The following SHROOM3 variants were observed in gnomAD, a reference collection of about 807,000 sequenced individuals.
SHROOM3 encodes the protein protein Shroom3.
A neutral mutation model predicts 138.6 loss-of-function variants in SHROOM3; 47 were observed. That is an observed-to-expected ratio of 0.34 (90% CI 0.27 to 0.43). SHROOM3 has a LOEUF of 0.43. Ranked by LOEUF, SHROOM3 falls within the 20% of genes least tolerant of loss-of-function variation. The pLI is 1.00. For synonymous variants in SHROOM3, 1,062 were observed against 1,063.3 expected (o/e 1.00, Z 0.02); for missense variants, 2,491 against 2,596.5 (o/e 0.96, Z 0.88).
chr4:76,496,373 G>A (rs988494143), intron 1 of SHROOM3, among the ~76,000 whole-genome samples: 2 of 152,302 alleles, frequency 1.3e-5, no homozygotes, highest in African/African-American at 4.8e-5. Flanking sequence ...TCAGGCCTTC[G>A]TGGAGCAGGT....
At chr4:76,749,486 G>A (rs1721553447) in intron 6 of SHROOM3, among the ~76,000 whole-genome samples, 1 of 152,192 alleles carries the variant, frequency 6.6e-6, no homozygotes, top group Non-Finnish European at 1.5e-5. Context: ...ATAATTAATG[G>A]AGGTGCTATT....
intron 2 of SHROOM3, among the ~76,000 whole-genome samples, chr4:76,682,131 C>T (rs1399967507): frequency 1.3e-5 from 2 of 152,158 alleles, no homozygotes; most frequent in Non-Finnish European, 2.9e-5. Flanking sequence ...CATCTTAAGT[C>T]GGGCACATGC....
intron 2 of SHROOM3, among the ~76,000 whole-genome samples, chr4:76,672,319 A>G (rs914718162): frequency 6.7e-6 from 1 of 149,928 alleles, no homozygotes; most frequent in Non-Finnish European, 1.5e-5. Flanking sequence ...TTCTATCCCT[A>G]TTGTTGGCAT....
chr4:76,598,669 G>A (rs1430298400), intron 2 of SHROOM3, among the ~76,000 whole-genome samples: 1 of 152,154 alleles, frequency 6.6e-6, no homozygotes, highest in East Asian at 1.9e-4. Flanking sequence ...TATCCACCTG[G>A]AGGAGGTGTC....
chr4:76,572,306 A>G (rs923137824), intron 2 of SHROOM3, among the ~76,000 whole-genome samples: 5 of 152,178 alleles, frequency 3.3e-5, no homozygotes, highest in Admixed American at 3.3e-4. Context: ...TGAGTTCCCA[A>G]TGGTGTAATC....
intron 1 of SHROOM3, among the ~76,000 whole-genome samples, chr4:76,502,282 G>A (rs372358786): frequency 6.6e-6 from 1 of 152,154 alleles, no homozygotes; most frequent in East Asian, 1.9e-4. Context: ...CAGATATTCT[G>A]TTATAAGCAA....
chr4:76,570,156 A>AACACACAC (rs57079760), intron 2 of SHROOM3, among the ~76,000 whole-genome samples: 139 of 149,490 alleles, frequency 9.3e-4, no homozygotes, highest in African/African-American at 3.2e-3. Flanking sequence ...GAAATGTTAA[A>AACACACAC]ACACACACAC....
At chr4:76,552,062 C>A (rs1220272967) in intron 1 of SHROOM3, among the ~76,000 whole-genome samples, 8 of 148,596 alleles carry the variant, frequency 5.4e-5, no homozygotes, top group African/African-American at 2.0e-4. Context: ...GGGGTTTCAC[C>A]GTGTTAGCCA....
intron 4 of SHROOM3, among the ~76,000 whole-genome samples, chr4:76,736,148 T>A (rs1721065784): frequency 1.3e-5 from 2 of 151,940 alleles, no homozygotes; most frequent in African/African-American, 4.8e-5. Flanking sequence ...GGAAGCAGAC[T>A]GGGTCATACA....
In SHROOM3 at chr4:76,555,742, C is replaced by A. The variant is rs756621259; in HGVS notation, c.302C>A (p.Thr101Asn). The A allele has an allele frequency of 1.2e-6, 2 of 1,613,472 alleles. No individual in the cohort carries two copies. The highest frequency in any genetic ancestry group is 1.7e-6 in the Non-Finnish European group (2 of 1,180,000). Residue 101 changes from threonine (T) to asparagine (N), a missense_variant, in exon 2 of 11, where the codon ACC (threonine) becomes AAC (asparagine). Transcript: ENST00000296043. ...TCCCTGGTGAAAGGATCCTACAAGA[C>A]CCTCAGGCTGGTAGTGCGCAGGTAG... ...AVSLVKGSYK[T>N]LRLVVRRDVC...
chr4:76,627,693 G>C (rs761106353), intron 2 of SHROOM3, among the ~76,000 whole-genome samples: 4 of 146,134 alleles, frequency 2.7e-5, no homozygotes, highest in Non-Finnish European at 6.0e-5. Flanking sequence ...ATGGGGTCTT[G>C]CTATGTTGCC....
chr4:76,589,408 A>C (rs987191078), intron 2 of SHROOM3, among the ~76,000 whole-genome samples: 1 of 151,592 alleles, frequency 6.6e-6, no homozygotes. Flanking sequence ...CGGAGGTTGC[A>C]GTGAGCTGAG....
intron 1 of SHROOM3, among the ~76,000 whole-genome samples, chr4:76,555,174 G>T (rs941168520): frequency 6.6e-6 from 1 of 151,936 alleles, no homozygotes; most frequent in Non-Finnish European, 1.5e-5. Flanking sequence ...AAAACCATCC[G>T]CCCACACCCC....
chr4:76,548,135 C>CA (rs1318018123), intron 1 of SHROOM3, among the ~76,000 whole-genome samples: 3 of 152,276 alleles, frequency 2.0e-5, no homozygotes, highest in African/African-American at 7.2e-5. Context: ...GAAAAGCATT[C>CA]CAGGCTGAGG....
At chr4:76,440,428 G>C (rs577202272) in intron 1 of SHROOM3, among the ~76,000 whole-genome samples, 1 of 152,164 alleles carries the variant, frequency 6.6e-6, no homozygotes, top group Non-Finnish European at 1.5e-5. Flanking sequence ...GCTCTCTCTA[G>C]ATTCTAGAGC....
intron 1 of SHROOM3, among the ~76,000 whole-genome samples, chr4:76,468,096 G>A (rs1041715544): frequency 2.0e-5 from 3 of 152,248 alleles, no homozygotes; most frequent in Non-Finnish European, 4.4e-5. Context: ...CACTGGGAAA[G>A]TGTGCTGTTA....
intron 3 of SHROOM3, among the ~76,000 whole-genome samples, chr4:76,730,182 G>A (rs956429157): frequency 6.6e-6 from 1 of 152,194 alleles, no homozygotes; most frequent in African/African-American, 2.4e-5. Context: ...TGTTGTAAGG[G>A]CAGGATGTTT....
chr4:76,531,965 T>A (rs950692144), intron 1 of SHROOM3, among the ~76,000 whole-genome samples: 1 of 151,618 alleles, frequency 6.6e-6, no homozygotes, highest in Admixed American at 6.6e-5. Context: ...CGTGCAGGTT[T>A]GTTACATATG....
intron 1 of SHROOM3, among the ~76,000 whole-genome samples, chr4:76,549,810 A>G (rs933725087): frequency 6.6e-6 from 1 of 152,168 alleles, no homozygotes; most frequent in African/African-American, 2.4e-5. Context: ...GAGGGTCCTA[A>G]GGAATCCACA....
Sources: gnomAD v4.1 joint callset for allele counts (sites outside exome capture counted in the v4.1 genomes callset) on GRCh38, gnomAD v4.1.1 for gene constraint, MANE v1.5 for transcripts, NCBI Gene and HGNC (gene_info 2026-07-23, HGNC 2026-07-21) for gene names.